The following PCNX4 variants were observed in gnomAD, a reference collection of about 807,000 sequenced individuals.
PCNX4 encodes pecanex-like protein 4.
A neutral mutation model predicts 107.2 loss-of-function variants in PCNX4; 103 were observed. The ratio of observed to expected loss-of-function variants is 0.96; its 90% CI spans 0.82 to 1.13. The LOEUF (loss-of-function observed/expected upper bound fraction) is 1.13. Among genes scored for constraint, PCNX4 ranks in the 50% most tolerant of loss-of-function variants. PCNX4 has a pLI of 0.00. For synonymous variants in PCNX4, 541 were observed against 481.7 expected (o/e 1.12, Z -1.61); for missense variants, 1,528 against 1,379.4 (o/e 1.11, Z -1.71).
At position 60,115,831 on chromosome 14, in the gene PCNX4, A is replaced by G. The variant is rs753775076; in HGVS notation, c.1458+12A>G. 38 of 1,602,718 alleles carry G rather than the reference A, an allele frequency of 2.4e-5. No homozygotes were observed. Among genetic ancestry groups the G allele is most frequent in the African/African-American group, 6.7e-5 (5 of 74,614 alleles). ...GAGCCTTTAGAATGGTAATCCTAATATGTGTTTAATAGTATTTTCCTATTG... is the reference window on the plus strand; with the variant it reads ...GAGCCTTTAGAATGGTAATCCTAATGTGTGTTTAATAGTATTTTCCTATTG... On this transcript the variant is annotated intron_variant, in intron 5 of 10. Coordinates refer to ENST00000406854, the MANE Select transcript of PCNX4 (RefSeq NM_001330177.2).
At chr14:60,129,825 A>G (rs1896122256) in intron 10 of PCNX4, among the ~76,000 whole-genome samples, 1 of 152,198 alleles carries the variant, frequency 6.6e-6, no homozygotes, top group African/African-American at 2.4e-5. Context: ...TCAACCATTG[A>G]GGAAATAACT....
chr14:60,116,883 G>A (rs970157167), intron 6 of PCNX4, among the ~76,000 whole-genome samples: 2 of 152,038 alleles, frequency 1.3e-5, no homozygotes, highest in African/African-American at 4.8e-5. Flanking sequence ...TGTAGGCCTA[G>A]ACTGATACGT....
At position 60,125,211 on chromosome 14, in the gene PCNX4, G is replaced by C. The variant is rs767574859; in HGVS notation, c.3040G>C (p.Glu1014Gln). The C allele has an allele frequency of 6.2e-7, 1 of 1,603,572 alleles. No individual in the cohort carries two copies. The highest frequency in any genetic ancestry group is 1.7e-5 in the Admixed American group (1 of 58,156). The change falls in exon 9 of 11, where the codon GAA becomes CAA. Residue 1014 changes from glutamate to glutamine, a missense_variant. By Grantham distance (29) the Glu-to-Gln change is conservative. Transcript: ENST00000406854. ...PWSVALDWLTEKPELFQLALK... is the reference protein window; with the variant it reads ...PWSVALDWLTQKPELFQLALK... ...GTCTGTTGCTTTGGACTGGCTCACA[G>C]AAAAGCCAGAACTGTTTCAACTAGC...
chr14:60,118,231 GC>G, intron 6 of PCNX4, 97 bp from the exon 7 acceptor site: 1 of 1,311,822 alleles, frequency 7.6e-7, no homozygotes, highest in East Asian at 2.8e-5. Flanking sequence ...AAATACTGGG[GC>G]AATAATAAAA....
chr14:60,105,514 C>CTA (rs201665003), intron 1 of PCNX4, among the ~76,000 whole-genome samples: 3,286 of 152,160 alleles, frequency 0.022, 57 homozygotes, highest in South Asian at 0.049. Context: ...ATACAGCCAT[C>CTA]TATATATATA....
At chr14:60,114,608 AGT>A (rs1895804201) in intron 2 of PCNX4, 90 bp from the exon 3 acceptor site, 3 of 1,000,412 alleles carry the variant, frequency 3.0e-6, no homozygotes, top group Non-Finnish European at 4.3e-6. Context: ...TTTGGAAGGG[AGT>A]GTGTTGTTAT....
chr14:60,103,456 C>G (rs1260293480), intron 1 of PCNX4, among the ~76,000 whole-genome samples: 3 of 152,230 alleles, frequency 2.0e-5, no homozygotes, highest in Admixed American at 6.5e-5. Context: ...GCCCTGACCA[C>G]AGACCCCTTT....
At chr14:60,113,759 T>C (rs191434622) in intron 2 of PCNX4, among the ~76,000 whole-genome samples, 28 of 152,338 alleles carry the variant, frequency 1.8e-4, no homozygotes, top group Admixed American at 1.4e-3. Flanking sequence ...AGTTGTCTCT[T>C]TTGAATGTTA....
chr14:60,119,912 G>A (rs1312303381), intron 7 of PCNX4, among the ~76,000 whole-genome samples: 1 of 152,166 alleles, frequency 6.6e-6, no homozygotes, highest in Non-Finnish European at 1.5e-5. Context: ...GGAAGGAAAT[G>A]TAAATTTGTA....
At position 60,121,205 on chromosome 14, in the gene PCNX4, T is replaced by C. The variant is rs751511340; in HGVS notation, c.1952T>C (p.Leu651Pro). 9 of 1,425,600 alleles carry C rather than the reference T, an allele frequency of 6.3e-6. No individual in the cohort carries two copies. In the East Asian group the frequency reaches 2.1e-4, roughly 34 times the overall value. The allele number at this position is 1,425,600 out of a possible 1,614,324, so 88.3% of individuals were successfully genotyped here. A position where few individuals can be genotyped will look rare whatever the true frequency, so the allele number is the denominator to read the frequency against. ...AMAAGSLGLL[L>P]PGSHYLGRFQ... Reference sequence around the variant, plus strand: ...TTCTAATTTGTTGTAGGTCTCCTCCTACCTGGATCTCATTACTTGGGCCGT... The same window carrying C: ...TTCTAATTTGTTGTAGGTCTCCTCCCACCTGGATCTCATTACTTGGGCCGT... The change falls in exon 8 of 11, where the codon CTA (leucine) becomes CCA (proline). Residue 651 changes from leucine (L) to proline (P), a missense_variant. Transcript: ENST00000406854.
At chr14:60,121,372 CA>C in intron 8 of PCNX4, 73 bp downstream of exon 8, 1 of 1,423,168 alleles carries the variant, frequency 7.0e-7, no homozygotes, top group South Asian at 1.3e-5. Context: ...ATGTTCACAT[CA>C]AACACTCAAT....
At position 60,141,219 on chromosome 14, in the gene PCNX4, C is replaced by A. The variant is rs902553402; in HGVS notation, c.*6998C>A. 6.6e-5 allele frequency: 10 copies of A among 152,160 alleles called. No homozygotes were observed. The highest frequency in any genetic ancestry group is 2.4e-4 in the African/African-American group (10 of 41,424). The allele number at this position is 152,160 out of a possible 1,614,324, so 9.4% of individuals were successfully genotyped here. On this transcript the variant is annotated 3_prime_UTR_variant, in exon 11 of 11. Transcript: ENST00000406854. ...TGAGGAAAGGTCTCAGCACAATAAC[C>A]TAAGTTCCCACCACAAGAAACAAGA...
intron 1 of PCNX4, among the ~76,000 whole-genome samples, chr14:60,096,521 C>A (rs79872325): frequency 1.3e-5 from 2 of 152,186 alleles, no homozygotes; most frequent in South Asian, 2.1e-4. Context: ...CTGAATTACT[C>A]GTCCTTGTGC....
At chr14:60,133,818 G>A (rs1896197824) in intron 10 of PCNX4, 152 bp from the exon 11 acceptor site, 1 of 737,900 alleles carries the variant, frequency 1.4e-6, no homozygotes, top group Non-Finnish European at 2.2e-6. Flanking sequence ...GGCAACTTGT[G>A]TACATTTTTA....
intron 2 of PCNX4, among the ~76,000 whole-genome samples, chr14:60,112,350 T>G (rs1343156412): frequency 6.6e-6 from 1 of 152,180 alleles, no homozygotes; most frequent in Non-Finnish European, 1.5e-5. Context: ...AGTTTTCATC[T>G]TAAAAACTGA....
intron 1 of PCNX4, among the ~76,000 whole-genome samples, chr14:60,094,182 T>C (rs1422325423): frequency 6.6e-6 from 1 of 152,204 alleles, no homozygotes; most frequent in Non-Finnish European, 1.5e-5. Flanking sequence ...GAACCTTGTT[T>C]TTTAAACAGT....
chr14:60,127,107 A>G (rs1490126364), intron 10 of PCNX4, among the ~76,000 whole-genome samples: 1 of 152,198 alleles, frequency 6.6e-6, no homozygotes, highest in African/African-American at 2.4e-5. Context: ...TTAAAGCCCA[A>G]AATGTTCTTG....
intron 2 of PCNX4, chr14:60,110,042 T>G (rs1323637129): frequency 6.0e-6 from 1 of 167,102 alleles, no homozygotes; most frequent in East Asian, 1.9e-4. Flanking sequence ...TTGGAAAATT[T>G]TCAGCCTGGA....
intron 10 of PCNX4, among the ~76,000 whole-genome samples, chr14:60,133,023 A>G (rs962668470): frequency 2.3e-4 from 35 of 152,226 alleles, no homozygotes; most frequent in Admixed American, 1.9e-3. Context: ...ACTTTGGAAA[A>G]CATTCTGGCA....
Sources: gnomAD v4.1 joint callset for allele counts (sites outside exome capture counted in the v4.1 genomes callset) on GRCh38, gnomAD v4.1.1 for gene constraint, MANE v1.5 for transcripts, NCBI Gene and HGNC (gene_info 2026-07-23, HGNC 2026-07-21) for gene names.